The following TENM3 variants were observed in gnomAD, a reference collection of about 807,000 sequenced individuals.
TENM3 encodes the protein teneurin-3.
TENM3 carries 63 observed loss-of-function variants against 255.1 expected under a neutral mutation model. The observed-to-expected ratio is 0.25, with a 90% CI of 0.20 to 0.30. The LOEUF is 0.30. Ranked by LOEUF, TENM3 falls within the 10% of genes least tolerant of loss-of-function variation. The pLI, the probability that TENM3 is intolerant of heterozygous loss-of-function variation, is 1.00. For missense variants in TENM3, 2,929 were observed against 3,461.1 expected, an observed-to-expected ratio of 0.85 and a Z score of 3.86; for synonymous variants, 1,306 against 1,322.3, an observed-to-expected ratio of 0.99 and a Z score of 0.27.
At chr4:182,167,882 T>TTAAA (rs758365041) in intron 1 of TENM3, among the ~76,000 whole-genome samples, 68 of 152,248 alleles carry the variant, frequency 4.5e-4, no homozygotes, top group Non-Finnish European at 7.9e-4. Context: ...AGACCTTGTC[T>TTAAA]TAAATAAATA....
At chr4:182,597,350 A>G (rs1581055490) in intron 3 of TENM3, among the ~76,000 whole-genome samples, 2 of 152,194 alleles carry the variant, frequency 1.3e-5, no homozygotes, top group Admixed American at 1.3e-4. Flanking sequence ...TAGACGCTGC[A>G]GTGAGCTGTA....
Position 182,776,538 on chromosome 4 carries a change from A to G in TENM3, c.5304+1385A>G, listed in dbSNP as rs540057044. Among the ~76,000 whole-genome samples, 12 of 152,348 alleles carry G rather than the reference A, an allele frequency of 7.9e-5. No homozygotes were observed. In the South Asian group the frequency reaches 2.5e-3, roughly 32 times the overall value. On this transcript the variant is annotated intron_variant, in intron 24 of 27. Coordinates refer to ENST00000511685, the MANE Select transcript of TENM3 (RefSeq NM_001080477.4). ...GCTGGATAGTAAAATTTCACTGGAA[A>G]GAGGGAGGAGGGGGAAATACTTTGT...
At chr4:182,411,411 C>A (rs2151082852) in intron 3 of TENM3, among the ~76,000 whole-genome samples, 1 of 152,190 alleles carries the variant, frequency 6.6e-6, no homozygotes. Flanking sequence ...TGAGAGAGGA[C>A]CCAAGAGGTT....
chr4:182,045,596 G>T, the TENM3 span, among the ~76,000 whole-genome samples: 1 of 152,128 alleles, frequency 6.6e-6, no homozygotes, highest in African/African-American at 2.4e-5. Context: ...AAATGGACTT[G>T]TTGGGGCTGT....
chr4:181,672,481 G>A, the TENM3 span, among the ~76,000 whole-genome samples: 14 of 152,122 alleles, frequency 9.2e-5, no homozygotes, highest in African/African-American at 3.4e-4. Flanking sequence ...TGAGTGAAGT[G>A]ATATTCACTT....
At chr4:181,916,308 A>G in the TENM3 span, among the ~76,000 whole-genome samples, 1 of 152,204 alleles carries the variant, frequency 6.6e-6, no homozygotes, top group African/African-American at 2.4e-5. Context: ...TTCTATAGGT[A>G]TTTGGATCAT....
chr4:182,044,445 T>C, the TENM3 span, among the ~76,000 whole-genome samples: 1 of 152,234 alleles, frequency 6.6e-6, no homozygotes, highest in South Asian at 2.1e-4. Context: ...GTCACGCAGA[T>C]ATTTTAACTA....
At chr4:182,266,158 T>C (rs908216570) in intron 1 of TENM3, among the ~76,000 whole-genome samples, 1 of 152,214 alleles carries the variant, frequency 6.6e-6, no homozygotes, top group Non-Finnish European at 1.5e-5. Flanking sequence ...GTAATTAAAA[T>C]CTCTAATTTA....
intron 1 of TENM3, among the ~76,000 whole-genome samples, chr4:182,236,093 G>C (rs1018240064): frequency 2.0e-5 from 3 of 152,216 alleles, no homozygotes; most frequent in Non-Finnish European, 2.9e-5. Context: ...AACGGGAGCA[G>C]AGTCCCTTTA....
chr4:182,606,523 C>CAAAAAAA (rs746315807), intron 4 of TENM3, among the ~76,000 whole-genome samples: 1 of 51,726 alleles, frequency 1.9e-5, no homozygotes, highest in African/African-American at 8.1e-5. Flanking sequence ...GACTCTGTCT[C>CAAAAAAA]AAAAAAAAAA....
the TENM3 span, among the ~76,000 whole-genome samples, chr4:182,025,020 A>ATTTTTTTTTTTTTTTTTTTTTTTTTT: frequency 6.6e-5 from 8 of 121,116 alleles, no homozygotes; most frequent in African/African-American, 2.7e-4. Context: ...ACAGGATTTC[A>ATTTTTTTTTTTTTTTTTTTTTTTTTT]TTTTTTTTTT....
the TENM3 span, among the ~76,000 whole-genome samples, chr4:181,696,459 C>T: frequency 2.0e-5 from 3 of 152,120 alleles, no homozygotes; most frequent in Non-Finnish European, 4.4e-5. Context: ...CCCTCTAAGC[C>T]CATCAATAAA....
chr4:182,800,425 C>T lies in TENM3; in HGVS notation c.*74C>T, dbSNP rs1476480482. The T allele has an allele frequency of 5.5e-6, 8 of 1,457,486 alleles. No individual in the cohort carries two copies. In the South Asian group the frequency reaches 8.0e-5, roughly 14 times the overall value. The allele number at this position is 1,457,486 out of a possible 1,614,324, so 90.3% of individuals were successfully genotyped here. A position where few individuals can be genotyped will look rare whatever the true frequency, so the allele number is the denominator to read the frequency against. On this transcript the variant is annotated 3_prime_UTR_variant, in exon 28 of 28. Transcript: ENST00000511685. The stretch of plus-strand genomic sequence containing the variant: ...TGTGGCACAACCCGAGTGGGACTCT[C>T]CAACGCCCAAGAGCCTTCCTCCCGG...
the TENM3 span, among the ~76,000 whole-genome samples, chr4:181,622,296 C>A: frequency 2.2e-4 from 34 of 152,172 alleles, no homozygotes; most frequent in African/African-American, 8.2e-4. Flanking sequence ...TTGGATTGTA[C>A]TCACCAAACA....
the TENM3 span, among the ~76,000 whole-genome samples, chr4:181,962,981 C>A: frequency 4.6e-5 from 7 of 152,188 alleles, no homozygotes; most frequent in African/African-American, 1.7e-4. Flanking sequence ...AGCAGTTCTA[C>A]CCTTTATTCC....
At chr4:182,594,923 G>A (rs999314951) in intron 3 of TENM3, among the ~76,000 whole-genome samples, 2 of 151,918 alleles carry the variant, frequency 1.3e-5, no homozygotes, top group Non-Finnish European at 2.9e-5. Context: ...TCACCATGTT[G>A]GCCAGGCTGG....
the TENM3 span, among the ~76,000 whole-genome samples, chr4:181,605,568 A>AGAG: frequency 2.4e-5 from 1 of 42,198 alleles, no homozygotes; most frequent in East Asian, 6.3e-4. Flanking sequence ...GAAAGAAAGA[A>AGAG]AGAGAGAGAA....
At chr4:182,434,492 G>A (rs980870837) in intron 3 of TENM3, among the ~76,000 whole-genome samples, 7 of 152,112 alleles carry the variant, frequency 4.6e-5, no homozygotes, top group South Asian at 4.1e-4. Context: ...GTGAAACACC[G>A]TATCTACTAA....
chr4:182,447,037 C>T (rs1772979527), intron 3 of TENM3, among the ~76,000 whole-genome samples: 1 of 152,064 alleles, frequency 6.6e-6, no homozygotes, highest in African/African-American at 2.4e-5. Flanking sequence ...ACCCAATTTA[C>T]TAAAGAGAAA....
Sources: allele counts gnomAD v4.1 joint callset (sites outside exome capture counted in the v4.1 genomes callset), GRCh38; gene constraint gnomAD v4.1.1; transcripts MANE v1.5; gene names NCBI Gene and HGNC (gene_info 2026-07-23, HGNC 2026-07-21).